Variants in ACER2 observed in about 807,000 individuals in gnomAD.
The protein encoded by ACER2 is alkCDase 2.
ACER2 carries 26 observed loss-of-function variants against 34.7 expected under a neutral mutation model. The observed-to-expected ratio is 0.75, with a 90% confidence interval of 0.55 to 1.04. The LOEUF is 1.04. Ranked by LOEUF, ACER2 falls within the 50% of genes least tolerant of loss-of-function variation. The pLI, the probability that ACER2 is intolerant of heterozygous loss-of-function variation, is 0.00. For synonymous variants in ACER2, 138 were observed against 132.1 expected, an observed-to-expected ratio of 1.04 and a Z score of -0.31; for missense variants, 352 against 340.8, an observed-to-expected ratio of 1.03 and a Z score of -0.26.
At chr9:19,424,081 T>A in intron 2 of ACER2, 105 bp downstream of exon 2, 1 of 1,092,238 alleles carries the variant, frequency 9.2e-7, no homozygotes, top group Non-Finnish European at 1.4e-6. Flanking sequence ...TTTTGTAAAC[T>A]GAAGTCACTC....
At chr9:19,410,841 G>A (rs73645404) in intron 1 of ACER2, among the ~76,000 whole-genome samples, 343 of 152,298 alleles carry the variant, frequency 2.3e-3, no homozygotes, top group African/African-American at 7.6e-3. Flanking sequence ...GTAGTTCTGG[G>A]TACTTTCAAT....
chr9:19,418,447 C>T (rs1830301618), intron 1 of ACER2, among the ~76,000 whole-genome samples: 2 of 151,700 alleles, frequency 1.3e-5, no homozygotes, highest in Admixed American at 1.3e-4. Context: ...GGAACCAACC[C>T]AAATGCCCAT....
intron 3 of ACER2, among the ~76,000 whole-genome samples, chr9:19,428,218 A>C (rs1830641666): frequency 6.7e-6 from 1 of 149,632 alleles, no homozygotes; most frequent in African/African-American, 2.5e-5. Flanking sequence ...CCCGGGCTGG[A>C]GTGCAATAGT....
chr9:19,435,344 T>C (rs1325871264), intron 4 of ACER2, among the ~76,000 whole-genome samples: 1 of 152,170 alleles, frequency 6.6e-6, no homozygotes, highest in African/African-American at 2.4e-5. Context: ...TCTCAGTACC[T>C]AGATCAAGCT....
chr9:19,424,755 T>C lies in ACER2; in HGVS notation c.279T>C (p.Asp93=), dbSNP rs1438368229. 2 of 1,614,074 alleles carry C rather than the reference T, an allele frequency of 1.2e-6. No homozygotes were observed. Among genetic ancestry groups the C allele is most frequent in the Non-Finnish European group, 8.5e-7 (1 of 1,180,042 alleles). The stretch of plus-strand genomic sequence containing the variant: ...TTAGTTTCTTGGGTCAGATGCTTGA[T>C]GAACTTGCAGTCCTTTGGGTTCTGA... ...ATLSFLGQML[D]ELAVLWVLMC... Residue 93 remains aspartate, a synonymous_variant, in exon 3 of 6, where the codon GAT becomes GAC. Coordinates refer to ENST00000340967, the MANE Select transcript of ACER2 (RefSeq NM_001010887.3).
chr9:19,445,120 C>T (rs1831310157), intron 4 of ACER2, among the ~76,000 whole-genome samples: 1 of 152,202 alleles, frequency 6.6e-6, no homozygotes, highest in Admixed American at 6.5e-5. Context: ...GGAGTGGTCC[C>T]CTCCGGGAAG....
At chr9:19,409,749 A>T (rs1434562484) in intron 1 of ACER2, 1 of 984,454 alleles carries the variant, frequency 1.0e-6, no homozygotes, top group African/African-American at 1.8e-5. Context: ...GTTAATTACT[A>T]CTTGTTTTTT....
intron 1 of ACER2, among the ~76,000 whole-genome samples, chr9:19,413,580 A>T (rs1487526106): frequency 6.6e-6 from 1 of 150,656 alleles, no homozygotes; most frequent in African/African-American, 2.5e-5. Flanking sequence ...AGCCTGGGTG[A>T]CAGAGCAAGA....
At chr9:19,418,725 A>G (rs996323800) in intron 1 of ACER2, among the ~76,000 whole-genome samples, 4 of 152,190 alleles carry the variant, frequency 2.6e-5, no homozygotes, top group Non-Finnish European at 4.4e-5. Flanking sequence ...GGATAGCATT[A>G]GGAGAAATAC....
chr9:19,434,442 A>G (rs1408991907), intron 3 of ACER2, among the ~76,000 whole-genome samples: 5 of 152,230 alleles, frequency 3.3e-5, no homozygotes, highest in African/African-American at 1.2e-4. Context: ...TGGAGGTTGT[A>G]GCGAGCCGAG....
chr9:19,426,296 G>A (rs1376828105), intron 3 of ACER2, among the ~76,000 whole-genome samples: 3 of 135,320 alleles, frequency 2.2e-5, no homozygotes, highest in Admixed American at 1.5e-4. Flanking sequence ...TTCTTTTTCT[G>A]TCTTTCTTTC....
At chr9:19,416,636 C>T (rs1830248372) in intron 1 of ACER2, among the ~76,000 whole-genome samples, 1 of 151,948 alleles carries the variant, frequency 6.6e-6, no homozygotes, top group Admixed American at 6.6e-5. Context: ...AGTGATTCTC[C>T]TGCCTTAGCC....
intron 3 of ACER2, among the ~76,000 whole-genome samples, chr9:19,432,848 C>T (rs1252535628): frequency 6.6e-6 from 1 of 151,014 alleles, no homozygotes; most frequent in African/African-American, 2.4e-5. Context: ...CCTACTTTGG[C>T]CTCCCAAAGT....
intron 3 of ACER2, among the ~76,000 whole-genome samples, chr9:19,430,475 C>T (rs562739629): frequency 6.6e-6 from 1 of 152,264 alleles, no homozygotes; most frequent in Non-Finnish European, 1.5e-5. Context: ...TTCTAGCTCT[C>T]TTGTACCCAG....
chr9:19,429,268 T>C (rs1563881023), intron 3 of ACER2, among the ~76,000 whole-genome samples: 1 of 152,200 alleles, frequency 6.6e-6, no homozygotes, highest in Non-Finnish European at 1.5e-5. Flanking sequence ...TAATAATTTT[T>C]AGAGTTTTTA....
At chr9:19,438,484 T>C (rs1831043553) in intron 4 of ACER2, among the ~76,000 whole-genome samples, 1 of 152,256 alleles carries the variant, frequency 6.6e-6, no homozygotes, top group South Asian at 2.1e-4. Flanking sequence ...GACTGGCTCC[T>C]GGGCCTTTGG....
intron 1 of ACER2, among the ~76,000 whole-genome samples, chr9:19,410,945 A>C (rs780668094): frequency 7.9e-5 from 12 of 152,212 alleles, no homozygotes; most frequent in Non-Finnish European, 1.5e-4. Context: ...AGAAGAAAAG[A>C]CAGCTTGATG....
At chr9:19,415,969 A>G (rs928396317) in intron 1 of ACER2, among the ~76,000 whole-genome samples, 1 of 152,070 alleles carries the variant, frequency 6.6e-6, no homozygotes, top group Non-Finnish European at 1.5e-5. Flanking sequence ...TGTTAACAAT[A>G]TGTGACATAT....
chr9:19,410,463 A>G (rs1450059862), intron 1 of ACER2, among the ~76,000 whole-genome samples: 1 of 152,178 alleles, frequency 6.6e-6, no homozygotes, highest in Non-Finnish European at 1.5e-5. Context: ...TATTCCTAGC[A>G]CTTTGGGAGG....
Sources: allele counts gnomAD v4.1 joint callset (sites outside exome capture counted in the v4.1 genomes callset), GRCh38; gene constraint gnomAD v4.1.1; transcripts MANE v1.5; gene names NCBI Gene and HGNC (gene_info 2026-07-23, HGNC 2026-07-21).